The following RBFOX3 variants were observed in gnomAD, a reference collection of about 807,000 sequenced individuals.
RBFOX3 encodes the protein RNA binding protein fox-1 homolog 3.
A neutral mutation model predicts 48.7 loss-of-function variants in RBFOX3; 17 were observed. That is an observed-to-expected ratio of 0.35 (90% confidence interval 0.24 to 0.52). The LOEUF is 0.52. Among genes scored for constraint, RBFOX3 ranks in the 20% least tolerant of loss-of-function variants. The pLI is 0.94. For synonymous variants in RBFOX3, 212 were observed against 209.5 expected (o/e 1.01, Z -0.10); for missense variants, 382 against 497.5 (o/e 0.77, Z 2.21).
At chr17:79,114,643 C>A (rs926477138) in intron 5 of RBFOX3, among the ~76,000 whole-genome samples, 1 of 152,218 alleles carries the variant, frequency 6.6e-6, no homozygotes, top group Non-Finnish European at 1.5e-5. Flanking sequence ...GTGCCACTCC[C>A]GGGCAGTGCA....
At chr17:79,102,529 C>T (rs1221385471) in intron 8 of RBFOX3, among the ~76,000 whole-genome samples, 1 of 152,214 alleles carries the variant, frequency 6.6e-6, no homozygotes, top group Non-Finnish European at 1.5e-5. Context: ...ACCCAGGCCG[C>T]AGCAAGGGAA....
intron 1 of RBFOX3, among the ~76,000 whole-genome samples, chr17:79,505,259 C>A (rs4505378): frequency 0.017 from 2,663 of 152,272 alleles, 45 homozygotes; most frequent in South Asian, 0.029. Context: ...CACACCCCCG[C>A]TTTAAACATT....
At chr17:79,578,538 G>A (rs1352634025) in intron 1 of RBFOX3, among the ~76,000 whole-genome samples, 3 of 152,360 alleles carry the variant, frequency 2.0e-5, no homozygotes, top group Non-Finnish European at 4.4e-5. Context: ...TAGATGAGGT[G>A]AAGGCCTGGA....
chr17:79,150,034 G>T (rs1231362986), intron 4 of RBFOX3, among the ~76,000 whole-genome samples: 1 of 98,206 alleles, frequency 1.0e-5, no homozygotes, highest in African/African-American at 4.2e-5. Flanking sequence ...AGGGTGGGGG[G>T]TGGGGGTGGG....
At chr17:79,337,583 C>A (rs2081391709) in intron 2 of RBFOX3, among the ~76,000 whole-genome samples, 2 of 152,196 alleles carry the variant, frequency 1.3e-5, no homozygotes. Context: ...CGAGACCAGC[C>A]TGCCCAAGAT....
chr17:79,494,426 C>T (rs2081151970), intron 1 of RBFOX3, among the ~76,000 whole-genome samples: 1 of 152,228 alleles, frequency 6.6e-6, no homozygotes, highest in African/African-American at 2.4e-5. Flanking sequence ...AGCAGGACTG[C>T]TCCCACCGCA....
intron 5 of RBFOX3, among the ~76,000 whole-genome samples, chr17:79,113,088 C>T (rs2032615068): frequency 6.6e-6 from 1 of 152,060 alleles, no homozygotes; most frequent in South Asian, 2.1e-4. Context: ...GACCACAATA[C>T]CAGGCTGCTT....
chr17:79,231,284 C>T (rs2061008226), intron 4 of RBFOX3, among the ~76,000 whole-genome samples: 2 of 152,140 alleles, frequency 1.3e-5, no homozygotes, highest in Admixed American at 1.3e-4. Flanking sequence ...GAGAAAACCA[C>T]CCAAGGTTGA....
chr17:79,611,183 T>TTCTCTCTCTCTCTCTCGCTCTCTCTCTC (rs2093965414), upstream of RBFOX3, among the ~76,000 whole-genome samples: 5 of 41,494 alleles, frequency 1.2e-4, no homozygotes, highest in African/African-American at 1.3e-3. Flanking sequence ...TCCGCCCTCC[T>TTCTCTCTCTCTCTCTCGCTCTCTCTCTC]TCTCTCTCTC....
At position 79,481,916 on chromosome 17, in the gene RBFOX3, A is replaced by G. The variant is rs1612459; in HGVS notation, c.-175+538T>C. On this transcript the variant is annotated intron_variant, in intron 2 of 14. Coordinates refer to ENST00000693108, the MANE Select transcript of RBFOX3 (RefSeq NM_001350451.2). The surrounding 1 kb of genome is among the most constrained non-coding windows in gnomAD (Gnocchi z 5.4). ...CGAAGTGAGAGCCATCTTACAGAGC[A>G]CTTGGCCCAAACCCTGTGGAGTCTG... is the stretch of plus-strand genomic sequence containing the variant. Among the ~76,000 whole-genome samples, 149,524 of 152,226 alleles carry G rather than the reference A, an allele frequency of 0.98. 73,475 individuals are homozygous for G. The highest frequency in any genetic ancestry group is 1 in the Non-Finnish European group (67,943 of 68,036).
intron 1 of RBFOX3, among the ~76,000 whole-genome samples, chr17:79,540,570 C>T (rs569629361): frequency 2.6e-5 from 4 of 152,342 alleles, no homozygotes; most frequent in Admixed American, 6.5e-5. Flanking sequence ...TCTCCTCCCA[C>T]GCAATGCACA....
intron 2 of RBFOX3, among the ~76,000 whole-genome samples, chr17:79,442,078 CG>C (rs1204667925): frequency 6.6e-6 from 1 of 151,354 alleles, no homozygotes; most frequent in African/African-American, 2.4e-5. Context: ...GTGAAAGGGA[CG>C]TGTTGGGAGA....
At chr17:79,172,115 A>G (rs2049434095) in intron 4 of RBFOX3, among the ~76,000 whole-genome samples, 1 of 142,672 alleles carries the variant, frequency 7.0e-6, no homozygotes, top group African/African-American at 2.6e-5. Flanking sequence ...TGGAGGTTGC[A>G]GTGAGCCGAC....
intron 4 of RBFOX3, among the ~76,000 whole-genome samples, chr17:79,168,012 C>G (rs1253684380): frequency 6.6e-6 from 1 of 152,228 alleles, no homozygotes; most frequent in Non-Finnish European, 1.5e-5. Flanking sequence ...CCGGCTGGAC[C>G]CCAGCCCCAG....
chr17:79,223,862 G>A (rs2060013724), intron 4 of RBFOX3, among the ~76,000 whole-genome samples: 1 of 152,114 alleles, frequency 6.6e-6, no homozygotes, highest in Non-Finnish European at 1.5e-5. Context: ...AGCAGGAGAG[G>A]GGATTTAGGA....
At position 79,429,580 on chromosome 17, in the gene RBFOX3, G is replaced by C. The variant is rs530175637; in HGVS notation, c.-175+52874C>G. Among the ~76,000 whole-genome samples, 15 of 152,252 alleles carry C rather than the reference G, an allele frequency of 9.9e-5. 1 individual carries two copies. In the South Asian group the frequency reaches 1.9e-3, roughly 19 times the overall value. ...GTGGTGCCAGCTGCCTGCAGCTGCC[G>C]AGGTTGGGTCCTCAAGGGGGCACCT... On this transcript the variant is annotated intron_variant, in intron 2 of 14. Coordinates refer to ENST00000693108, the MANE Select transcript of RBFOX3 (RefSeq NM_001350451.2).
chr17:79,547,812 G>GT (rs1242478693), intron 1 of RBFOX3, among the ~76,000 whole-genome samples: 1 of 150,860 alleles, frequency 6.6e-6, no homozygotes, highest in East Asian at 1.9e-4. Context: ...CAAGGCTTGG[G>GT]TTGGGTACCT....
At chr17:79,328,746 G>A (rs975097529) in intron 2 of RBFOX3, among the ~76,000 whole-genome samples, 1 of 152,166 alleles carries the variant, frequency 6.6e-6, no homozygotes, top group Non-Finnish European at 1.5e-5. Context: ...GGAGACATTT[G>A]GCTTCACCTG....
At chr17:79,650,732 C>A in the RBFOX3 span, among the ~76,000 whole-genome samples, 2 of 152,108 alleles carry the variant, frequency 1.3e-5, no homozygotes, top group African/African-American at 2.4e-5. Context: ...TATAAATACA[C>A]CGACACTTAG....
Sources: allele counts gnomAD v4.1 joint callset (sites outside exome capture counted in the v4.1 genomes callset), GRCh38; gene constraint gnomAD v4.1.1; non-coding constraint Gnocchi (gnomAD v3.1); transcripts MANE v1.5; gene names NCBI Gene and HGNC (gene_info 2026-07-23, HGNC 2026-07-21).